Variants in GRIN2A observed in about 807,000 individuals in gnomAD.
GRIN2A encodes the protein glutamate ionotropic receptor NMDA type subunit 2A.
GRIN2A carries 22 observed loss-of-function variants against 113.4 expected under a neutral mutation model. The ratio of observed to expected loss-of-function variants is 0.19; its 90% confidence interval spans 0.14 to 0.28. The LOEUF (loss-of-function observed/expected upper bound fraction) is 0.28, where lower values mean the gene tolerates loss of function less well. GRIN2A is among the 10% of genes least tolerant of loss of function. The pLI is 1.00. For missense variants in GRIN2A, 1,502 were observed against 1,887.0 expected, an observed-to-expected ratio of 0.80 and a Z score of 3.78; for synonymous variants, 827 against 738.4, an observed-to-expected ratio of 1.12 and a Z score of -1.94.
intron 10 of GRIN2A, among the ~76,000 whole-genome samples, chr16:9,801,763 G>A (rs1000923338): frequency 4.6e-5 from 7 of 152,218 alleles, no homozygotes; most frequent in Admixed American, 2.6e-4. Flanking sequence ...GGGTGGGCTG[G>A]TGGTCATGCT....
At chr16:9,872,297 T>A (rs1596523683) in intron 4 of GRIN2A, among the ~76,000 whole-genome samples, 1 of 152,110 alleles carries the variant, frequency 6.6e-6, no homozygotes, top group East Asian at 1.9e-4. Flanking sequence ...ACAGCTCAGC[T>A]CCTAACCGGT....
At chr16:10,148,017 C>T (rs2049481852) in intron 2 of GRIN2A, among the ~76,000 whole-genome samples, 1 of 152,308 alleles carries the variant, frequency 6.6e-6, no homozygotes, top group Middle Eastern at 3.4e-3. Flanking sequence ...CTTTCCTGGA[C>T]TTGCCTTCCT....
chr16:9,993,061 C>CA (rs34615682), intron 2 of GRIN2A, among the ~76,000 whole-genome samples: 72,445 of 149,548 alleles, frequency 0.48, 19,253 homozygotes, highest in African/African-American at 0.72. Context: ...ACCAAAAATA[C>CA]AAAAAAAAAC....
intron 3 of GRIN2A, among the ~76,000 whole-genome samples, chr16:9,903,638 T>G (rs536127459): frequency 4.6e-5 from 7 of 152,282 alleles, no homozygotes; most frequent in African/African-American, 1.7e-4. Context: ...CCCCTCATGA[T>G]CATCTCAAAT....
chr16:9,862,169 G>A (rs777738468), intron 4 of GRIN2A, among the ~76,000 whole-genome samples: 1 of 152,186 alleles, frequency 6.6e-6, no homozygotes, highest in Non-Finnish European at 1.5e-5. Flanking sequence ...AGAACAAGAT[G>A]GAAATCTTTC....
intron 3 of GRIN2A, among the ~76,000 whole-genome samples, chr16:9,909,687 T>C (rs1170493618): frequency 6.6e-6 from 1 of 152,198 alleles, no homozygotes. Context: ...CTTAAGTGTA[T>C]TTGAGATGGT....
intron 2 of GRIN2A, among the ~76,000 whole-genome samples, chr16:10,166,436 G>A (rs544678043): frequency 6.6e-6 from 1 of 152,148 alleles, no homozygotes; most frequent in Admixed American, 6.5e-5. Context: ...TCCCTCTACA[G>A]CTCATCTTCA....
At chr16:9,958,713 A>C (rs372033075) in intron 2 of GRIN2A, among the ~76,000 whole-genome samples, 1 of 152,106 alleles carries the variant, frequency 6.6e-6, no homozygotes, top group Non-Finnish European at 1.5e-5. Context: ...TGCATACCAG[A>C]TTGCAAGCAG....
At chr16:10,047,256 G>T (rs964454165) in intron 2 of GRIN2A, among the ~76,000 whole-genome samples, 1 of 152,118 alleles carries the variant, frequency 6.6e-6, no homozygotes, top group African/African-American at 2.4e-5. Context: ...TTATTTGGTA[G>T]CAGATAGATC....
chr16:10,152,142 G>A (rs545329203), intron 2 of GRIN2A, among the ~76,000 whole-genome samples: 15 of 152,228 alleles, frequency 9.9e-5, no homozygotes, highest in African/African-American at 2.4e-4. Context: ...CTAGGACTGC[G>A]CAAAAAAATC....
At chr16:9,934,404 G>C (rs1249224049) in intron 3 of GRIN2A, among the ~76,000 whole-genome samples, 1 of 152,144 alleles carries the variant, frequency 6.6e-6, no homozygotes, top group Non-Finnish European at 1.5e-5. Context: ...GCCTTGACCA[G>C]GTGTGGTGGC....
chr16:10,112,845 G>A (rs553615482), intron 2 of GRIN2A: 35 of 587,762 alleles, frequency 6.0e-5, no homozygotes, highest in South Asian at 3.6e-4. Flanking sequence ...CGAGGGTGGC[G>A]TCCATGGCCT....
intron 2 of GRIN2A, among the ~76,000 whole-genome samples, chr16:10,144,099 C>A (rs2049382325): frequency 6.6e-6 from 1 of 151,954 alleles, no homozygotes; most frequent in Non-Finnish European, 1.5e-5. Flanking sequence ...GGATATGTAC[C>A]CAGAAGTGGG....
chr16:10,175,012 TATGTTTAGATAC>T (rs2050114844), intron 2 of GRIN2A, among the ~76,000 whole-genome samples: 1 of 152,220 alleles, frequency 6.6e-6, no homozygotes, highest in Non-Finnish European at 1.5e-5. Context: ...TGTGCTTAGA[TATGTTTAGATAC>T]ACAAATACTC....
chr16:9,974,737 C>A (rs925659612), intron 2 of GRIN2A, among the ~76,000 whole-genome samples: 2 of 152,152 alleles, frequency 1.3e-5, no homozygotes, highest in Non-Finnish European at 2.9e-5. Flanking sequence ...CTGTGAAAAG[C>A]TAAAGATGTT....
intron 2 of GRIN2A, among the ~76,000 whole-genome samples, chr16:9,979,837 C>G (rs1298377048): frequency 1.1e-5 from 1 of 91,978 alleles, no homozygotes; most frequent in Non-Finnish European, 2.2e-5. Context: ...TTATCTAGGA[C>G]TTATATTCTG....
chr16:9,986,046 A>T (rs2045974725), intron 2 of GRIN2A, among the ~76,000 whole-genome samples: 2 of 152,212 alleles, frequency 1.3e-5, no homozygotes, highest in African/African-American at 4.8e-5. Context: ...CATAGGTACA[A>T]TATGATGTTT....
intron 11 of GRIN2A, among the ~76,000 whole-genome samples, chr16:9,788,369 T>C (rs191871947): frequency 1.0e-3 from 159 of 152,138 alleles, no homozygotes; most frequent in Non-Finnish European, 2.1e-3. Context: ...GTGATTCTCC[T>C]GCCTCAGCCT....
rs951273100 is a variant in GRIN2A at position 9,870,628 on chromosome 16, CTTTTTTTT to C, written c.1122+20350_1122+20357del. 4.3e-5 allele frequency among the ~76,000 whole-genome samples: 6 copies of C among 138,196 alleles called. No homozygotes were observed. In the East Asian group the frequency reaches 1.1e-3, roughly 24 times the overall value. The allele number at this position is 138,196 out of a possible 152,430, so 90.7% of individuals were successfully genotyped here. Reference sequence around the variant, plus strand: ...GATGTTCCTTCAAGTAACTTTTTTTCTTTTTTTTTTTTTTTTCTTTTTTTGTAGAGATG... The same window carrying C: ...GATGTTCCTTCAAGTAACTTTTTTTCTTTTTTTTCTTTTTTTGTAGAGATG... On this transcript the variant is annotated intron_variant, in intron 4 of 12. Coordinates refer to ENST00000330684, the MANE Select transcript of GRIN2A (RefSeq NM_001134407.3).
Sources: allele counts gnomAD v4.1 joint callset (sites outside exome capture counted in the v4.1 genomes callset), GRCh38; gene constraint gnomAD v4.1.1; transcripts MANE v1.5; gene names NCBI Gene and HGNC (gene_info 2026-07-23, HGNC 2026-07-21).